Variants in PLCXD3 observed in about 807,000 individuals in gnomAD.
PLCXD3 encodes phosphatidylinositol specific phospholipase C X domain containing 3.
PLCXD3 carries 19 observed loss-of-function variants against 25.5 expected under a neutral mutation model. The observed-to-expected ratio is 0.75, with a 90% CI of 0.52 to 1.09. The LOEUF is 1.09. Among genes scored for constraint, PLCXD3 ranks in the 50% least tolerant of loss-of-function variants. The pLI, the probability that PLCXD3 is intolerant of heterozygous loss-of-function variation, is 0.00. For synonymous variants in PLCXD3, 174 were observed against 137.6 expected (o/e 1.26, Z -1.85); for missense variants, 411 against 388.1 (o/e 1.06, Z -0.50).
intron 1 of PLCXD3, among the ~76,000 whole-genome samples, chr5:41,503,161 T>TC (rs1748987794): frequency 1.3e-5 from 2 of 152,308 alleles, no homozygotes; most frequent in African/African-American, 4.8e-5. Flanking sequence ...GGACTGCAAG[T>TC]GCAGTCCACT....
chr5:41,478,191 C>T (rs1006668903), intron 1 of PLCXD3, among the ~76,000 whole-genome samples: 1 of 152,160 alleles, frequency 6.6e-6, no homozygotes, highest in African/African-American at 2.4e-5. Flanking sequence ...GTTACCAAAG[C>T]GCTGGGTTGT....
chr5:41,365,220 G>A (rs1378030498), intron 2 of PLCXD3, among the ~76,000 whole-genome samples: 1 of 151,994 alleles, frequency 6.6e-6, no homozygotes, highest in Non-Finnish European at 1.5e-5. Flanking sequence ...GTTTTTTGGT[G>A]GTCAGTGATT....
intron 2 of PLCXD3, among the ~76,000 whole-genome samples, chr5:41,324,647 A>G (rs994264264): frequency 6.6e-6 from 1 of 152,190 alleles, no homozygotes. Flanking sequence ...AACGACAGAT[A>G]CTGTGACAGT....
chr5:41,367,815 T>C (rs1384799945), intron 2 of PLCXD3, among the ~76,000 whole-genome samples: 1 of 152,188 alleles, frequency 6.6e-6, no homozygotes, highest in Non-Finnish European at 1.5e-5. Context: ...TTGATTTTTG[T>C]ATATGGCGTA....
chr5:41,335,507 G>T (rs1418594370), intron 2 of PLCXD3, among the ~76,000 whole-genome samples: 1 of 152,152 alleles, frequency 6.6e-6, no homozygotes, highest in East Asian at 1.9e-4. Flanking sequence ...ACCTACTGCT[G>T]ATTGGAAGTT....
At chr5:41,450,275 C>T (rs1747599280) in intron 1 of PLCXD3, among the ~76,000 whole-genome samples, 2 of 152,114 alleles carry the variant, frequency 1.3e-5, no homozygotes, top group Non-Finnish European at 1.5e-5. Flanking sequence ...TGATAGGAAA[C>T]TAACATTCAC....
intron 1 of PLCXD3, among the ~76,000 whole-genome samples, chr5:41,415,868 G>A (rs941394196): frequency 2.0e-5 from 3 of 152,128 alleles, no homozygotes; most frequent in African/African-American, 7.2e-5. Flanking sequence ...AATTCAAGGA[G>A]AGTTTATAAT....
chr5:41,509,299 A>G (rs1248914321), intron 1 of PLCXD3, among the ~76,000 whole-genome samples: 3 of 152,134 alleles, frequency 2.0e-5, no homozygotes, highest in Non-Finnish European at 4.4e-5. Flanking sequence ...TGAACTGTTC[A>G]TGAGTAATTT....
intron 1 of PLCXD3, among the ~76,000 whole-genome samples, chr5:41,488,378 G>T (rs1196579842): frequency 7.6e-6 from 1 of 132,016 alleles, no homozygotes; most frequent in Non-Finnish European, 1.6e-5. Flanking sequence ...GAATAGTGCT[G>T]CAATAAACAT....
At chr5:41,501,301 A>G (rs1415031516) in intron 1 of PLCXD3, among the ~76,000 whole-genome samples, 4 of 152,062 alleles carry the variant, frequency 2.6e-5, no homozygotes, top group African/African-American at 9.7e-5. Context: ...ATGTATATCA[A>G]TGGATGAATG....
At chr5:41,452,636 T>C (rs1484054834) in intron 1 of PLCXD3, among the ~76,000 whole-genome samples, 1 of 152,028 alleles carries the variant, frequency 6.6e-6, no homozygotes, top group Non-Finnish European at 1.5e-5. Context: ...TACACTCAAG[T>C]TGCCCCTCTG....
chr5:41,462,596 T>A (rs1011006285), intron 1 of PLCXD3, among the ~76,000 whole-genome samples: 4 of 151,884 alleles, frequency 2.6e-5, no homozygotes, highest in Non-Finnish European at 4.4e-5. Flanking sequence ...AGGAGAAACA[T>A]CCATGAGAGT....
intron 1 of PLCXD3, among the ~76,000 whole-genome samples, chr5:41,385,490 C>A (rs1307741191): frequency 6.6e-6 from 1 of 152,084 alleles, no homozygotes; most frequent in Non-Finnish European, 1.5e-5. Context: ...GTAATCAGAG[C>A]AACTATTTAT....
intron 1 of PLCXD3, among the ~76,000 whole-genome samples, chr5:41,500,473 T>C (rs1369837973): frequency 6.6e-6 from 1 of 151,754 alleles, no homozygotes; most frequent in Non-Finnish European, 1.5e-5. Flanking sequence ...ATGGGTACAA[T>C]GTATATTATT....
At chr5:41,408,201 A>C (rs929295841) in intron 1 of PLCXD3, among the ~76,000 whole-genome samples, 3 of 152,332 alleles carry the variant, frequency 2.0e-5, no homozygotes, top group Admixed American at 6.5e-5. Flanking sequence ...GATTATCAGC[A>C]GGGCTTCCAG....
chr5:41,381,873 A>T lies in PLCXD3; in HGVS notation c.765T>A (p.Thr255=), dbSNP rs562952127. Residue 255 remains threonine, a synonymous_variant, in exon 2 of 3, where the codon ACT becomes ACA. Transcript: ENST00000377801. The stretch of plus-strand genomic sequence containing the variant: ...GGCCACTTGCCACCCCTTTGACCAC[A>T]GTGCTAGCTTTGGGGGTCAGCACCA... The part of the protein sequence containing the change: ...SQVVLTPKAS[T]VVKGVASGLR... 2 of 1,612,796 alleles carry T rather than the reference A, an allele frequency of 1.2e-6. No homozygotes were observed. The highest frequency in any genetic ancestry group is 1.3e-5 in the African/African-American group (1 of 74,900).
intron 2 of PLCXD3, among the ~76,000 whole-genome samples, chr5:41,324,671 C>T (rs1743571732): frequency 6.6e-6 from 1 of 152,198 alleles, no homozygotes; most frequent in East Asian, 1.9e-4. Context: ...TGTGTAGCCA[C>T]TCTGGTTGAA....
intron 1 of PLCXD3, among the ~76,000 whole-genome samples, chr5:41,498,525 A>G (rs1408996843): frequency 6.6e-6 from 1 of 151,768 alleles, no homozygotes; most frequent in Non-Finnish European, 1.5e-5. Context: ...TTCAGTTGCT[A>G]AAATCTCTCA....
intron 2 of PLCXD3, among the ~76,000 whole-genome samples, chr5:41,339,023 T>C (rs544952215): frequency 1.3e-5 from 2 of 152,254 alleles, no homozygotes; most frequent in African/African-American, 4.8e-5. Context: ...TTCATGATCA[T>C]CTTTTTCCTG....
Sources: gnomAD v4.1 joint callset for allele counts (sites outside exome capture counted in the v4.1 genomes callset) on GRCh38, gnomAD v4.1.1 for gene constraint, MANE v1.5 for transcripts, NCBI Gene and HGNC (gene_info 2026-07-23, HGNC 2026-07-21) for gene names.